LYST: variants seen among roughly 807,000 people sequenced by gnomAD.
The protein encoded by LYST is lysosomal trafficking regulator.
In LYST, 192 loss-of-function variants were observed where a neutral mutation model predicts 413.6. The ratio of observed to expected loss-of-function variants is 0.46; its 90% confidence interval spans 0.41 to 0.52. The LOEUF is 0.52. LYST is among the 20% of genes least tolerant of loss of function. The pLI, the probability that LYST is intolerant of heterozygous loss-of-function variation, is 0.00. For synonymous variants in LYST, 1,525 were observed against 1,567.3 expected (o/e 0.97, Z 0.64); for missense variants, 3,815 against 4,499.9 (o/e 0.85, Z 4.35).
Position 235,779,219 on chromosome 1 carries a change from T to C in LYST, c.5214+1646A>G, listed in dbSNP as rs1348322699. ...TTTCACAAGCTTATAACTCCCAAAT[T>C]ACTAAATCGGGCTTAAACAATTTGC... On this transcript the variant is annotated intron_variant, in intron 16 of 52. Transcript: ENST00000389793. Among the ~76,000 whole-genome samples the C allele has an allele frequency of 7.9e-5, 12 of 152,190 alleles. No homozygotes were observed. The East Asian group carries it at 2.1e-3, about 27-fold the overall frequency.
intron 1 of LYST, among the ~76,000 whole-genome samples, chr1:235,842,020 G>T (rs913967897): frequency 2.0e-5 from 3 of 152,080 alleles, no homozygotes; most frequent in African/African-American, 7.2e-5. Context: ...TGGTGGTATG[G>T]ATTTTTTCAG....
At chr1:235,830,651 T>G (rs1675873010) in intron 2 of LYST, among the ~76,000 whole-genome samples, 1 of 152,278 alleles carries the variant, frequency 6.6e-6, no homozygotes, top group Non-Finnish European at 1.5e-5. Flanking sequence ...TACCTGAGCA[T>G]AGCTGAGAAT....
At chr1:235,677,246 A>G in intron 49 of LYST, 58 bp from the exon 50 acceptor site, 1 of 1,346,782 alleles carries the variant, frequency 7.4e-7, no homozygotes, top group Admixed American at 1.7e-5. Flanking sequence ...ACATTCTCTT[A>G]TTTTGTAATT....
At chr1:235,880,330 T>C (rs1389349127) in intron 1 of LYST, among the ~76,000 whole-genome samples, 1 of 152,172 alleles carries the variant, frequency 6.6e-6, no homozygotes, top group Admixed American at 6.5e-5. Flanking sequence ...ATCAATAGCA[T>C]AGACATTCTG....
intron 14 of LYST, among the ~76,000 whole-genome samples, chr1:235,783,254 T>C (rs577969919): frequency 6.6e-6 from 1 of 151,982 alleles, no homozygotes; most frequent in African/African-American, 2.4e-5. Context: ...ACATATAACA[T>C]ATAAACTTAA....
chr1:235,759,100 A>C lies in LYST; in HGVS notation c.6753T>G (p.Pro2251=). The C allele has an allele frequency of 6.2e-7, 1 of 1,614,200 alleles. No individual in the cohort carries two copies. The highest frequency in any genetic ancestry group is 8.5e-7 in the Non-Finnish European group (1 of 1,180,024). Residue 2251 remains proline (P), a synonymous_variant, in exon 23 of 53, where the codon CCT becomes CCG. Transcript: ENST00000389793. ...CAACAGCTGCAGATCCGTTCTGTGA[A>C]GGAAAAGCTAGCCCAAGGCTTGCAA... The part of the protein sequence containing the change: ...STIASLGLAF[P]SQNGSAAVGR...
At chr1:235,789,103 AT>A (rs1461507829) in intron 12 of LYST, among the ~76,000 whole-genome samples, 1 of 152,166 alleles carries the variant, frequency 6.6e-6, no homozygotes, top group Non-Finnish European at 1.5e-5. Flanking sequence ...ACTGAGGACA[AT>A]TGTGGGCGTA....
intron 31 of LYST, chr1:235,737,076 G>C (rs1664885817): frequency 6.6e-6 from 1 of 152,130 alleles, no homozygotes; most frequent in African/African-American, 2.4e-5. Flanking sequence ...CTAATTGGTT[G>C]AAGTTGGCAG....
At chr1:235,832,668 T>C (rs1676120186) in intron 2 of LYST, among the ~76,000 whole-genome samples, 1 of 152,178 alleles carries the variant, frequency 6.6e-6, no homozygotes, top group African/African-American at 2.4e-5. Flanking sequence ...TATAGTTTAC[T>C]ATGTAGCCAA....
At chr1:235,703,019 A>G in intron 44 of LYST, 42 bp from the exon 45 acceptor site, 3 of 1,360,722 alleles carry the variant, frequency 2.2e-6, no homozygotes, top group Non-Finnish European at 3.2e-6. Flanking sequence ...TATGTAGTAA[A>G]AAGAAAGACT....
chr1:235,824,177 T>C (rs981807433), intron 3 of LYST, among the ~76,000 whole-genome samples: 8 of 152,238 alleles, frequency 5.3e-5, no homozygotes, highest in African/African-American at 1.9e-4. Context: ...GTTTGAATTA[T>C]ATTTTGTTCA....
intron 31 of LYST, chr1:235,738,512 T>C (rs1665022809): frequency 6.2e-7 from 1 of 1,612,138 alleles, no homozygotes; most frequent in Non-Finnish European, 8.5e-7. Context: ...CCCAATTCCG[T>C]TACCCAATGG....
At chr1:235,863,159 G>A (rs1429507451) in intron 1 of LYST, among the ~76,000 whole-genome samples, 2 of 152,072 alleles carry the variant, frequency 1.3e-5, no homozygotes, top group Non-Finnish European at 1.5e-5. Flanking sequence ...GTTGGGGGCC[G>A]AGGAGGGCAG....
At position 235,809,587 on chromosome 1, in the gene LYST, T is replaced by C; in HGVS notation, c.1231A>G (p.Ile411Val). 1 of 1,614,058 alleles carries C rather than the reference T, an allele frequency of 6.2e-7. No individual in the cohort carries two copies. The highest frequency in any genetic ancestry group is 8.5e-7 in the Non-Finnish European group (1 of 1,179,964). The change falls in exon 5 of 53, where the codon ATT becomes GTT. Residue 411 changes from isoleucine (I) to valine (V), a missense_variant. Physicochemically the swap from Ile to Val is conservative, Grantham distance 29 (BLOSUM62 3). Transcript: ENST00000389793. This position sits in a 1 kb window ranked among gnomAD's most constrained non-coding sequence, Gnocchi z 4.0. ...LPELLEGVLQ[I>V]LICCLQSAAS... ...GCACTTTGAAGACAACAGATCAGAA[T>C]CTGAAGAACTCCTTCCAAAAGCTCA...
At chr1:235,731,410 G>A (rs1326737061) in intron 34 of LYST, among the ~76,000 whole-genome samples, 1 of 152,112 alleles carries the variant, frequency 6.6e-6, no homozygotes, top group East Asian at 1.9e-4. Flanking sequence ...GGCAAGCTCT[G>A]CTTCCAGTTT....
intron 43 of LYST, 122 bp downstream of exon 43, chr1:235,711,935 T>A: frequency 1.6e-6 from 1 of 642,540 alleles, no homozygotes; most frequent in Non-Finnish European, 2.6e-6. Flanking sequence ...ATAAAAAACA[T>A]TTTCTCTTAT....
At chr1:235,734,144 C>T (rs901745604) in intron 32 of LYST, among the ~76,000 whole-genome samples, 1 of 151,788 alleles carries the variant, frequency 6.6e-6, no homozygotes, top group African/African-American at 2.4e-5. Context: ...GGTTGCTAAA[C>T]CTGATGAGTT....
intron 47 of LYST, among the ~76,000 whole-genome samples, chr1:235,693,119 T>A (rs983783717): frequency 6.6e-6 from 1 of 151,984 alleles, no homozygotes; most frequent in African/African-American, 2.4e-5. Context: ...ATCGAGACCA[T>A]CCTTGCTAAC....
intron 38 of LYST, among the ~76,000 whole-genome samples, chr1:235,726,714 T>G (rs917009761): frequency 3.9e-5 from 6 of 152,244 alleles, no homozygotes; most frequent in Admixed American, 2.6e-4. Context: ...GCAAGTTGAC[T>G]TAAAATTAAA....
Sources: allele counts gnomAD v4.1 joint callset (sites outside exome capture counted in the v4.1 genomes callset), GRCh38; gene constraint gnomAD v4.1.1; non-coding constraint Gnocchi (gnomAD v3.1); transcripts MANE v1.5; gene names NCBI Gene and HGNC (gene_info 2026-07-23, HGNC 2026-07-21).